ZZZ3: variants seen among roughly 807,000 people sequenced by gnomAD.
The protein encoded by ZZZ3 is zinc finger ZZ-type containing 3.
ZZZ3 carries 22 observed loss-of-function variants against 95.2 expected under a neutral mutation model. The ratio of observed to expected loss-of-function variants is 0.23; its 90% CI spans 0.17 to 0.33. The LOEUF is 0.33. Ranked by LOEUF, ZZZ3 falls within the 10% of genes least tolerant of loss-of-function variation. The pLI, the probability that ZZZ3 is intolerant of heterozygous loss-of-function variation, is 1.00. For synonymous variants in ZZZ3, 335 were observed against 358.9 expected (o/e 0.93, Z 0.75); for missense variants, 885 against 1,066.5 (o/e 0.83, Z 2.37).
At chr1:77,676,705 A>G (rs1246892500) in intron 1 of ZZZ3, among the ~76,000 whole-genome samples, 3 of 152,234 alleles carry the variant, frequency 2.0e-5, no homozygotes, top group African/African-American at 7.2e-5. Context: ...AAAGATATTA[A>G]ACATATCACA....
intron 5 of ZZZ3, among the ~76,000 whole-genome samples, chr1:77,625,364 TC>T (rs1189686550): frequency 6.6e-6 from 1 of 152,038 alleles, no homozygotes; most frequent in Non-Finnish European, 1.5e-5. Flanking sequence ...AAAGATAAAC[TC>T]CTCAATGTAT....
chr1:77,668,657 A>AAG (rs1019816362), intron 1 of ZZZ3, among the ~76,000 whole-genome samples: 1 of 151,820 alleles, frequency 6.6e-6, no homozygotes, highest in African/African-American at 2.4e-5. Context: ...CAAAAAAAAA[A>AAG]AAAAAAAAAG....
At chr1:77,574,188 A>T (rs1396782351) in intron 12 of ZZZ3, among the ~76,000 whole-genome samples, 4 of 147,834 alleles carry the variant, frequency 2.7e-5, no homozygotes, top group Non-Finnish European at 5.9e-5. Flanking sequence ...TTATATAGAT[A>T]TATCTATATA....
At chr1:77,619,030 T>A (rs2100775438) in intron 5 of ZZZ3, among the ~76,000 whole-genome samples, 1 of 152,240 alleles carries the variant, frequency 6.6e-6, no homozygotes, top group South Asian at 2.1e-4. Flanking sequence ...GCTAACAGAA[T>A]AAAAATTTCA....
intron 5 of ZZZ3, among the ~76,000 whole-genome samples, chr1:77,629,670 G>A (rs1557741417): frequency 6.6e-6 from 1 of 152,064 alleles, no homozygotes; most frequent in East Asian, 1.9e-4. Flanking sequence ...TCCTTCAAAA[G>A]ATCTGGAGCA....
At chr1:77,641,979 C>T (rs1196671919) in intron 1 of ZZZ3, among the ~76,000 whole-genome samples, 1 of 152,062 alleles carries the variant, frequency 6.6e-6, no homozygotes, top group Non-Finnish European at 1.5e-5. Flanking sequence ...CTTAAGTCTA[C>T]AATTACTCTC....
At chr1:77,581,653 G>C in intron 8 of ZZZ3, 123 bp downstream of exon 8, 1 of 745,256 alleles carries the variant, frequency 1.3e-6, no homozygotes, top group Non-Finnish European at 2.1e-6. Context: ...TAATTTCAAA[G>C]TTCTTATCTC....
chr1:77,662,833 T>C (rs1021206785), intron 1 of ZZZ3, among the ~76,000 whole-genome samples: 37 of 152,076 alleles, frequency 2.4e-4, no homozygotes, highest in African/African-American at 7.5e-4. Flanking sequence ...GGCCAGGTGC[T>C]GTGGCTCACG....
At chr1:77,589,853 C>G (rs1663500426) in intron 5 of ZZZ3, among the ~76,000 whole-genome samples, 1 of 152,032 alleles carries the variant, frequency 6.6e-6, no homozygotes, top group South Asian at 2.1e-4. Flanking sequence ...GAGGGAGGCA[C>G]AGACAGGCAG....
rs368073519 is a variant in ZZZ3, at chr1:77,568,395, T to C, written c.2403A>G (p.Leu801=). The C allele has an allele frequency of 1.1e-5, 17 of 1,593,238 alleles. No individual in the cohort carries two copies. The highest frequency in any genetic ancestry group is 1.4e-5 in the African/African-American group (1 of 73,676). Reference sequence around the variant, plus strand: ...GCATTTGCTGAAGTTTCTGCTTCTTTAACTTTTTAAACTGTAATAGTTCTT... The same window carrying C: ...GCATTTGCTGAAGTTTCTGCTTCTTCAACTTTTTAAACTGTAATAGTTCTT... The part of the protein sequence containing the change: ...EYKELLQFKK[L]KKQKLQQMQA... The change falls in exon 13 of 15, where the codon TTA becomes TTG. Residue 801 remains leucine (L), a synonymous_variant. Transcript: ENST00000370801.
At chr1:77,603,570 G>C (rs1198393334) in intron 5 of ZZZ3, among the ~76,000 whole-genome samples, 3 of 152,158 alleles carry the variant, frequency 2.0e-5, no homozygotes, top group South Asian at 4.1e-4. Context: ...GTAAGGACTA[G>C]ATTATGTGCA....
Position 77,641,900 on chromosome 1 carries a change from A to T in ZZZ3, c.-402-245T>A, listed in dbSNP as rs558480094. On this transcript the variant is annotated intron_variant, in intron 1 of 14. Coordinates refer to ENST00000370801, the MANE Select transcript of ZZZ3 (RefSeq NM_015534.6). ...ACATTCTAAATTTAATTCCATACTT[A>T]AACCCTTACAAATTGAAGAGCTCCT... Among the ~76,000 whole-genome samples, 8 of 152,306 alleles carry T rather than the reference A, an allele frequency of 5.3e-5. No individual in the cohort carries two copies. In the South Asian group the frequency reaches 1.7e-3, roughly 32 times the overall value.
intron 5 of ZZZ3, among the ~76,000 whole-genome samples, chr1:77,607,451 T>C (rs1038927820): frequency 1.3e-5 from 2 of 152,046 alleles, no homozygotes; most frequent in African/African-American, 4.8e-5. Context: ...CAAGATATCA[T>C]TGAGAAAGAA....
chr1:77,664,394 C>T (rs1671080831), intron 1 of ZZZ3, among the ~76,000 whole-genome samples: 1 of 152,128 alleles, frequency 6.6e-6, no homozygotes, highest in African/African-American at 2.4e-5. Context: ...TCCTTTGCTC[C>T]CATAATGCTT....
chr1:77,654,601 T>C (rs1005237129), intron 1 of ZZZ3, among the ~76,000 whole-genome samples: 5 of 152,096 alleles, frequency 3.3e-5, no homozygotes, highest in Non-Finnish European at 5.9e-5. Flanking sequence ...ATTCACTCTA[T>C]ATTAACAGAC....
chr1:77,651,293 G>C (rs989385091), intron 1 of ZZZ3, among the ~76,000 whole-genome samples: 1 of 152,144 alleles, frequency 6.6e-6, no homozygotes, highest in Non-Finnish European at 1.5e-5. Context: ...GCTGAGGTGG[G>C]AGGATCACTT....
chr1:77,669,384 A>G lies in ZZZ3; in HGVS notation c.-403+13201T>C, dbSNP rs555551784. Among the ~76,000 whole-genome samples the G allele has an allele frequency of 5.9e-4, 90 of 152,128 alleles. 1 individual carries two copies. The highest frequency in any genetic ancestry group is 1.2e-3 in the Admixed American group (19 of 15,260). On this transcript the variant is annotated intron_variant, in intron 1 of 14. Transcript: ENST00000370801. ...CTACTGTTCACATCACTTTAATCCT[A>G]TCAACAAATTAAACTGATGTTAAAT...
intron 1 of ZZZ3, among the ~76,000 whole-genome samples, chr1:77,681,723 C>T (rs1159180044): frequency 6.6e-6 from 1 of 152,016 alleles, no homozygotes; most frequent in Non-Finnish European, 1.5e-5. Context: ...GAAACCCCGT[C>T]TCTACTAAAA....
intron 1 of ZZZ3, among the ~76,000 whole-genome samples, chr1:77,651,449 A>G (rs1669800101): frequency 6.6e-6 from 1 of 152,244 alleles, no homozygotes; most frequent in Admixed American, 6.5e-5. Context: ...TGGATTAAAC[A>G]AGTTTATTAC....
Sources: gnomAD v4.1 joint callset for allele counts (sites outside exome capture counted in the v4.1 genomes callset) on GRCh38, gnomAD v4.1.1 for gene constraint, MANE v1.5 for transcripts, NCBI Gene and HGNC (gene_info 2026-07-23, HGNC 2026-07-21) for gene names.